FRS2: variants seen among roughly 807,000 people sequenced by gnomAD.
The protein encoded by FRS2 is FGFR signalling adaptor.
FRS2 carries 8 observed loss-of-function variants against 43.9 expected under a neutral mutation model. The observed-to-expected ratio is 0.18, with a 90% CI of 0.11 to 0.33. FRS2 has a LOEUF of 0.33. FRS2 is among the 10% of genes least tolerant of loss of function. The pLI, the probability that FRS2 is intolerant of heterozygous loss-of-function variation, is 1.00. For synonymous variants in FRS2, 219 were observed against 220.3 expected, an observed-to-expected ratio of 0.99 and a Z score of 0.05; for missense variants, 534 against 627.6, an observed-to-expected ratio of 0.85 and a Z score of 1.59.
chr12:69,553,793 T>G (rs1879113237), intron 3 of FRS2, among the ~76,000 whole-genome samples: 1 of 152,070 alleles, frequency 6.6e-6, no homozygotes, highest in Non-Finnish European at 1.5e-5. Flanking sequence ...AAGAAAAACT[T>G]TGGGAACATA....
At chr12:69,512,754 A>T (rs1874584074) in intron 1 of FRS2, among the ~76,000 whole-genome samples, 1 of 152,194 alleles carries the variant, frequency 6.6e-6, no homozygotes, top group African/African-American at 2.4e-5. Flanking sequence ...TAGACACTAT[A>T]AAAAGTTTTC....
chr12:69,550,382 A>G (rs1359240720), intron 3 of FRS2, among the ~76,000 whole-genome samples: 3 of 152,216 alleles, frequency 2.0e-5, no homozygotes, highest in Admixed American at 6.5e-5. Context: ...CAAAAACCAT[A>G]TGAAGTGTAG....
chr12:69,566,792 AC>A (rs578072231), intron 4 of FRS2, among the ~76,000 whole-genome samples: 416 of 152,304 alleles, frequency 2.7e-3, no homozygotes, highest in African/African-American at 9.4e-3. Context: ...TATTGTGGGA[AC>A]ACTAGAGGCA....
At chr12:69,565,430 A>G (rs962511401) in intron 4 of FRS2, among the ~76,000 whole-genome samples, 2 of 152,206 alleles carry the variant, frequency 1.3e-5, no homozygotes, top group Non-Finnish European at 2.9e-5. Flanking sequence ...TTCTTCAGTA[A>G]TAAATTAGCT....
At chr12:69,471,033 T>C (rs75155100) in intron 1 of FRS2, among the ~76,000 whole-genome samples, 2,238 of 152,198 alleles carry the variant, frequency 0.015, 63 homozygotes, top group African/African-American at 0.051. Context: ...CCAGGGATCT[T>C]TTGCAGGGCT....
At chr12:69,573,544 C>A (rs1199903007) in intron 8 of FRS2, among the ~76,000 whole-genome samples, 1 of 152,020 alleles carries the variant, frequency 6.6e-6, no homozygotes, top group Non-Finnish European at 1.5e-5. Context: ...CTCACTGCAA[C>A]CTCTGCCTCC....
At chr12:69,536,579 A>ATTTTT (rs5798939) in intron 3 of FRS2, among the ~76,000 whole-genome samples, 2 of 134,258 alleles carry the variant, frequency 1.5e-5, no homozygotes, top group Non-Finnish European at 1.6e-5. Context: ...TTTTTTTTTA[A>ATTTTT]TTTTTTTTTT....
Position 69,574,312 on chromosome 12 carries a change from G to A in FRS2, c.884G>A (p.Arg295Gln), listed in dbSNP as rs1433286334. Residue 295 changes from arginine (R) to glutamine (Q), a missense_variant, in exon 9 of 9, where the codon CGA (arginine) becomes CAA (glutamine). By Grantham distance (43) the Arg-to-Gln change is conservative. Coordinates refer to ENST00000549921, the MANE Select transcript of FRS2 (RefSeq NM_001278356.2). The part of the protein sequence containing the change: ...EWDTGYDSDE[R>Q]RDAPSVNKLV... ...GACACTGGCTATGACAGTGATGAACGAAGAGATGCACCCTCTGTTAACAAA... is the reference window on the plus strand; with the variant it reads ...GACACTGGCTATGACAGTGATGAACAAAGAGATGCACCCTCTGTTAACAAA... 4.3e-6 allele frequency: 7 copies of A among 1,614,122 alleles called. No homozygotes were observed. Among genetic ancestry groups the A allele is most frequent in the Admixed American group, 1.7e-5 (1 of 60,026 alleles).
At chr12:69,557,619 T>TGTGTGTGTGTGTGTGCGCGCGC (rs1555192498) in intron 3 of FRS2, among the ~76,000 whole-genome samples, 2 of 119,026 alleles carry the variant, frequency 1.7e-5, no homozygotes, top group African/African-American at 5.7e-5. Flanking sequence ...TGTGTGTGTG[T>TGTGTGTGTGTGTGTGCGCGCGC]GCGCGCGCGC....
At chr12:69,554,727 C>T (rs1879191561) in intron 3 of FRS2, among the ~76,000 whole-genome samples, 1 of 152,180 alleles carries the variant, frequency 6.6e-6, no homozygotes, top group South Asian at 2.1e-4. Context: ...TGTTTTGAGA[C>T]AGTGTCTTAC....
At chr12:69,528,025 A>G (rs1371654287) in intron 1 of FRS2, among the ~76,000 whole-genome samples, 1 of 152,216 alleles carries the variant, frequency 6.6e-6, no homozygotes, top group Non-Finnish European at 1.5e-5. Context: ...AGGTATGTGG[A>G]TAAGTCAGTT....
At chr12:69,471,341 G>C (rs1040472655) in intron 1 of FRS2, among the ~76,000 whole-genome samples, 1 of 151,942 alleles carries the variant, frequency 6.6e-6, no homozygotes, top group African/African-American at 2.4e-5. Context: ...TGTATGATGA[G>C]TTCATTCAGA....
intron 1 of FRS2, among the ~76,000 whole-genome samples, chr12:69,482,306 G>C (rs1252824303): frequency 6.6e-6 from 1 of 152,172 alleles, no homozygotes; most frequent in Non-Finnish European, 1.5e-5. Flanking sequence ...TTTAAGATAT[G>C]AGTGATTAGA....
At chr12:69,495,450 C>T (rs1385083178) in intron 1 of FRS2, among the ~76,000 whole-genome samples, 2 of 152,156 alleles carry the variant, frequency 1.3e-5, no homozygotes, top group Non-Finnish European at 2.9e-5. Flanking sequence ...TGATTGTTTT[C>T]TCATGTCTGT....
At chr12:69,488,748 C>T (rs1255434380) in intron 1 of FRS2, among the ~76,000 whole-genome samples, 2 of 152,160 alleles carry the variant, frequency 1.3e-5, no homozygotes, top group Non-Finnish European at 1.5e-5. Context: ...TTCACAGAAA[C>T]AACCTTTTTC....
intron 1 of FRS2, among the ~76,000 whole-genome samples, chr12:69,529,616 GT>G (rs1284661092): frequency 1.7e-5 from 2 of 115,008 alleles, no homozygotes; most frequent in African/African-American, 8.0e-5. Context: ...GTGAGACCCT[GT>G]CTCAAAAATA....
At chr12:69,538,222 TA>T (rs1877521864) in intron 3 of FRS2, among the ~76,000 whole-genome samples, 1 of 119,172 alleles carries the variant, frequency 8.4e-6, no homozygotes, top group Non-Finnish European at 1.7e-5. Context: ...TATATATATA[TA>T]GCATTGCAGA....
chr12:69,513,558 A>G (rs1352044604), intron 1 of FRS2, among the ~76,000 whole-genome samples: 1 of 152,194 alleles, frequency 6.6e-6, no homozygotes, highest in Non-Finnish European at 1.5e-5. Flanking sequence ...GAGGAGGAGG[A>G]GTGTGCGTTA....
chr12:69,482,147 T>C (rs1323327423), intron 1 of FRS2, among the ~76,000 whole-genome samples: 1 of 152,138 alleles, frequency 6.6e-6, no homozygotes, highest in African/African-American at 2.4e-5. Context: ...GAAGAGGTTT[T>C]TGATACTTTG....
Sources: gnomAD v4.1 joint callset for allele counts (sites outside exome capture counted in the v4.1 genomes callset) on GRCh38, gnomAD v4.1.1 for gene constraint, MANE v1.5 for transcripts, NCBI Gene and HGNC (gene_info 2026-07-23, HGNC 2026-07-21) for gene names.